The following MACROD1 variants were observed in gnomAD, a reference collection of about 807,000 sequenced individuals.
MACROD1 encodes ADP-ribose glycohydrolase MACROD1.
Under a neutral mutation model 41.4 loss-of-function variants are expected in MACROD1, and 31 were observed. The observed-to-expected ratio is 0.75, with a 90% CI of 0.56 to 1.01. MACROD1 has a LOEUF of 1.01. Among genes scored for constraint, MACROD1 ranks in the 50% least tolerant of loss-of-function variants. The probability of loss-of-function intolerance (pLI) is 0.00; values close to 1 mark genes in which losing one functional copy is unlikely to be tolerated. For synonymous variants in MACROD1, 252 were observed against 203.4 expected, an observed-to-expected ratio of 1.24 and a Z score of -2.03; for missense variants, 473 against 460.0, an observed-to-expected ratio of 1.03 and a Z score of -0.26.
chr11:64,053,047 G>A (rs1236274989), intron 3 of MACROD1, among the ~76,000 whole-genome samples: 2 of 152,198 alleles, frequency 1.3e-5, no homozygotes, highest in Non-Finnish European at 2.9e-5. Flanking sequence ...CAAACAGTGC[G>A]CTGCAGCCTC....
chr11:64,151,505 A>G, intron 2 of MACROD1, 150 bp from the exon 3 acceptor site: 1 of 624,754 alleles, frequency 1.6e-6, no homozygotes, highest in Non-Finnish European at 2.9e-6. Flanking sequence ...CAGTACCAGG[A>G]ACCCACACTG....
At chr11:64,097,957 C>G (rs1944607130) in intron 3 of MACROD1, among the ~76,000 whole-genome samples, 1 of 152,058 alleles carries the variant, frequency 6.6e-6, no homozygotes, top group African/African-American at 2.4e-5. Context: ...ACCCACTCAG[C>G]ACCCAGGCCT....
intron 4 of MACROD1, among the ~76,000 whole-genome samples, chr11:64,008,565 C>CG (rs1942952581): frequency 6.6e-6 from 1 of 152,064 alleles, no homozygotes; most frequent in Admixed American, 6.5e-5. Context: ...GCGCTCGGGC[C>CG]CGGGAGCAGC....
rs370325976 is a variant in MACROD1, at chr11:64,024,788, T to A, written c.518-9507A>T. Among the ~76,000 whole-genome samples, 8 of 152,194 alleles carry A rather than the reference T, an allele frequency of 5.3e-5. No individual in the cohort carries two copies. In the East Asian group the frequency reaches 1.2e-3, roughly 22 times the overall value. ...CCATGGACCCCTCAGTCTGTGGGTC[T>A]TGAAGGCAGCCTTGACCCCTAGGAA... On this transcript the variant is annotated intron_variant, in intron 3 of 10. Transcript: ENST00000255681.
intron 4 of MACROD1, 78 bp from the exon 5 acceptor site, chr11:64,000,421 C>T: frequency 3.0e-6 from 3 of 992,184 alleles, no homozygotes; most frequent in Non-Finnish European, 4.2e-6. Flanking sequence ...TCCCGAGAAG[C>T]CCCTCGGCGA....
Position 64,096,856 on chromosome 11 carries a change from T to C in MACROD1, c.517+54383A>G, listed in dbSNP as rs2845592. On this transcript the variant is annotated intron_variant, in intron 3 of 10. Coordinates refer to ENST00000255681, the MANE Select transcript of MACROD1 (RefSeq NM_014067.4). This position sits in a 1 kb window ranked among gnomAD's most constrained non-coding sequence, Gnocchi z 4.6. ...CCAAGCACACTGCCAGCTGTGTCCC[T>C]TCGAGGGCCTCCCCCGGCAGAGCTG... Among the ~76,000 whole-genome samples, 131,630 of 152,240 alleles carry C rather than the reference T, an allele frequency of 0.86. 57,722 individuals are homozygous for C. The highest frequency in any genetic ancestry group is 0.94 in the Non-Finnish European group (64,052 of 68,018).
Position 64,138,618 on chromosome 11 carries a change from T to A in MACROD1, c.517+12621A>T, listed in dbSNP as rs1444704847. ...CAGAGGAATGGCTGACAGCCGGGCC[T>A]CTCTCCCCAACTGCGATGCCGCTCG... On this transcript the variant is annotated intron_variant, in intron 3 of 10. Coordinates refer to ENST00000255681, the MANE Select transcript of MACROD1 (RefSeq NM_014067.4). The A allele has an allele frequency of 8.8e-6, 8 of 905,118 alleles. No homozygotes were observed. In the African/African-American group the frequency reaches 1.4e-4, roughly 16 times the overall value. The allele number at this position is 905,118 out of a possible 1,614,324, so 56.1% of individuals were successfully genotyped here. A position where few individuals can be genotyped will look rare whatever the true frequency, so the allele number is the denominator to read the frequency against.
At chr11:64,162,306 T>C (rs1945767073) in intron 1 of MACROD1, among the ~76,000 whole-genome samples, 1 of 151,976 alleles carries the variant, frequency 6.6e-6, no homozygotes, top group Non-Finnish European at 1.5e-5. Context: ...ATCTCACAAC[T>C]GCACTCCAGC....
At position 63,999,403 on chromosome 11, in the gene MACROD1, G is replaced by T. The variant is rs953391432; in HGVS notation, c.819C>A (p.Gly273=). ...AFPCISTGVF[G]YPCEAAAEIV... ...TCTCGGCGGCCGCCTCACAGGGGTA[G>T]CCTGAGGCGGGTGGGGCGGGAGTGA... The change falls in exon 8 of 11, where the codon GGC becomes GGA. Residue 273 remains glycine (G), a splice_region_variant and synonymous_variant. Transcript: ENST00000255681. 4 of 1,585,368 alleles carry T rather than the reference G, an allele frequency of 2.5e-6. No individual in the cohort carries two copies. In the Admixed American group the frequency reaches 5.3e-5, roughly 21 times the overall value.
intron 3 of MACROD1, among the ~76,000 whole-genome samples, chr11:64,075,143 G>A (rs1043992298): frequency 3.2e-4 from 49 of 152,198 alleles, no homozygotes; most frequent in South Asian, 2.1e-4. Flanking sequence ...TGGAGAAAAC[G>A]GTTGGTGAGG....
At chr11:64,149,013 G>A (rs1010157087) in intron 3 of MACROD1, 7 of 985,204 alleles carry the variant, frequency 7.1e-6, no homozygotes, top group African/African-American at 3.5e-5. Flanking sequence ...GGCGGGTACC[G>A]GGTCCTCCTG....
chr11:64,145,237 A>G (rs1015739607), intron 3 of MACROD1, among the ~76,000 whole-genome samples: 2 of 152,130 alleles, frequency 1.3e-5, no homozygotes, highest in African/African-American at 4.8e-5. Context: ...GCTGTGAAAC[A>G]TGGCTTCCCA....
intron 3 of MACROD1, among the ~76,000 whole-genome samples, chr11:64,030,808 C>T (rs1157853268): frequency 6.6e-6 from 1 of 150,884 alleles, no homozygotes; most frequent in East Asian, 2.0e-4. Context: ...TCCAGCTACT[C>T]GGGAGGCTGA....
At chr11:64,093,040 G>C (rs1227392201) in intron 3 of MACROD1, among the ~76,000 whole-genome samples, 1 of 152,212 alleles carries the variant, frequency 6.6e-6, no homozygotes, top group Non-Finnish European at 1.5e-5. Context: ...TGAGGACCCG[G>C]AGTGGAGAGA....
At chr11:64,088,315 C>T (rs531440853) in intron 3 of MACROD1, among the ~76,000 whole-genome samples, 1 of 152,110 alleles carries the variant, frequency 6.6e-6, no homozygotes, top group Non-Finnish European at 1.5e-5. Flanking sequence ...GCTCGGTGGC[C>T]AGGCGGGGCC....
chr11:64,129,974 A>G (rs1945241833), intron 3 of MACROD1, among the ~76,000 whole-genome samples: 1 of 152,108 alleles, frequency 6.6e-6, no homozygotes, highest in African/African-American at 2.4e-5. Flanking sequence ...ACAGGAAAGC[A>G]AGCAGGACTG....
intron 3 of MACROD1, among the ~76,000 whole-genome samples, chr11:64,140,570 A>G (rs1945398320): frequency 2.0e-5 from 3 of 152,340 alleles, no homozygotes; most frequent in Admixed American, 2.0e-4. Context: ...AGCGGGTCTC[A>G]GCAGCCCTCC....
chr11:64,140,736 G>A (rs1945401373), intron 3 of MACROD1, among the ~76,000 whole-genome samples: 1 of 152,220 alleles, frequency 6.6e-6, no homozygotes. Flanking sequence ...CTGTTTTACA[G>A]ACAAGAAAAC....
intron 3 of MACROD1, among the ~76,000 whole-genome samples, chr11:64,032,006 G>T (rs2134366142): frequency 6.6e-6 from 1 of 152,334 alleles, no homozygotes; most frequent in Non-Finnish European, 1.5e-5. Flanking sequence ...TCTGCAATTT[G>T]TCCTTGCCTT....
Sources: allele counts gnomAD v4.1 joint callset (sites outside exome capture counted in the v4.1 genomes callset), GRCh38; gene constraint gnomAD v4.1.1; non-coding constraint Gnocchi (gnomAD v3.1); transcripts MANE v1.5; gene names NCBI Gene and HGNC (gene_info 2026-07-23, HGNC 2026-07-21).